Variants in TRIM2 observed in about 807,000 individuals in gnomAD.
TRIM2 encodes tripartite motif-containing protein 2.
A neutral mutation model predicts 75.2 loss-of-function variants in TRIM2; 20 were observed. The observed-to-expected ratio is 0.27, with a 90% CI of 0.19 to 0.39. The LOEUF (loss-of-function observed/expected upper bound fraction) is 0.39, where lower values mean the gene tolerates loss of function less well. TRIM2 is among the 10% of genes least tolerant of loss of function. TRIM2 has a pLI of 1.00. For synonymous variants in TRIM2, 373 were observed against 388.3 expected, an observed-to-expected ratio of 0.96 and a Z score of 0.46; for missense variants, 660 against 990.8, an observed-to-expected ratio of 0.67 and a Z score of 4.48.
At chr4:153,260,791 G>C (rs541265493) in intron 1 of TRIM2, among the ~76,000 whole-genome samples, 1 of 146,602 alleles carries the variant, frequency 6.8e-6, no homozygotes, top group Non-Finnish European at 1.5e-5. Flanking sequence ...CTAGCCTTCT[G>C]ATTTACAAAA....
At chr4:153,249,578 T>TGCGCCTCGGCCACCTCCCTGCTC (rs1440096496) in intron 1 of TRIM2, among the ~76,000 whole-genome samples, 1 of 151,962 alleles carries the variant, frequency 6.6e-6, no homozygotes, top group Non-Finnish European at 1.5e-5. Context: ...TAGCAGCGCG[T>TGCGCCTCGGCCACCTCCCTGCTC]CCGCCTCGGC....
intron 7 of TRIM2, 98 bp downstream of exon 7, chr4:153,315,686 G>C: frequency 6.9e-7 from 1 of 1,440,690 alleles, no homozygotes. Context: ...ATGGTGTAAG[G>C]AAAAAAGCTT....
At chr4:153,267,383 C>T (rs1310104372) in intron 1 of TRIM2, among the ~76,000 whole-genome samples, 6 of 152,162 alleles carry the variant, frequency 3.9e-5, no homozygotes, top group Admixed American at 3.9e-4. Context: ...AATAGTGTGA[C>T]CCCTCATGCC....
intron 5 of TRIM2, 117 bp downstream of exon 5, chr4:153,294,602 T>C (rs1762425033): frequency 8.5e-6 from 9 of 1,064,230 alleles, no homozygotes; most frequent in Admixed American, 3.1e-5. Context: ...TAGTAAACTA[T>C]AGTTTTCACT....
intron 6 of TRIM2, among the ~76,000 whole-genome samples, chr4:153,300,424 T>A (rs145664341): frequency 6.6e-6 from 1 of 152,146 alleles, no homozygotes; most frequent in African/African-American, 2.4e-5. Flanking sequence ...GGACCACAGA[T>A]ATGTGCCGCC....
intron 1 of TRIM2, among the ~76,000 whole-genome samples, chr4:153,174,760 A>G (rs1731238942): frequency 6.6e-6 from 1 of 152,242 alleles, no homozygotes; most frequent in African/African-American, 2.4e-5. Context: ...GCAGTATGTG[A>G]ATAAAAGGTC....
intron 10 of TRIM2, among the ~76,000 whole-genome samples, chr4:153,326,203 A>C (rs1049034077): frequency 6.6e-6 from 1 of 152,240 alleles, no homozygotes. Context: ...CATGTGAATA[A>C]TTTTTAAGTA....
chr4:153,256,445 G>A (rs1752101040), intron 1 of TRIM2, among the ~76,000 whole-genome samples: 1 of 152,164 alleles, frequency 6.6e-6, no homozygotes, highest in African/African-American at 2.4e-5. Flanking sequence ...CAATCCCTTT[G>A]AAACTAATAA....
At chr4:153,158,997 T>A (rs933162772) in intron 1 of TRIM2, among the ~76,000 whole-genome samples, 2 of 152,220 alleles carry the variant, frequency 1.3e-5, no homozygotes, top group African/African-American at 4.8e-5. Flanking sequence ...TTGCTTAAGA[T>A]GCAGTGTCTC....
chr4:153,312,014 C>T (rs570790521), intron 6 of TRIM2, among the ~76,000 whole-genome samples: 14 of 151,534 alleles, frequency 9.2e-5, no homozygotes, highest in Middle Eastern at 3.4e-3. Context: ...GCTGCACCCA[C>T]TAACTCGTCA....
At chr4:153,327,820 G>A (rs948949226) in intron 10 of TRIM2, among the ~76,000 whole-genome samples, 3 of 152,078 alleles carry the variant, frequency 2.0e-5, no homozygotes, top group African/African-American at 4.8e-5. Flanking sequence ...ACAGCTTCCC[G>A]TCTCTCTACT....
At chr4:153,286,798 G>A (rs1202196754) in intron 3 of TRIM2, among the ~76,000 whole-genome samples, 1 of 128,668 alleles carries the variant, frequency 7.8e-6, no homozygotes, top group Non-Finnish European at 1.5e-5. Context: ...CTCTCTCTCT[G>A]GTCAGTCTAA....
At chr4:153,270,889 A>G (rs969245978) in intron 2 of TRIM2, among the ~76,000 whole-genome samples, 1 of 152,218 alleles carries the variant, frequency 6.6e-6, no homozygotes, top group Non-Finnish European at 1.5e-5. Context: ...TTCCTCCCAT[A>G]TAACAAATCA....
intron 1 of TRIM2, among the ~76,000 whole-genome samples, chr4:153,221,484 C>T (rs1368287230): frequency 6.6e-6 from 1 of 152,182 alleles, no homozygotes; most frequent in Non-Finnish European, 1.5e-5. Flanking sequence ...GGCCTTTCTT[C>T]GTTTCCTGCT....
chr4:153,264,577 A>G (rs1446375662), intron 1 of TRIM2, among the ~76,000 whole-genome samples: 1 of 152,240 alleles, frequency 6.6e-6, no homozygotes, highest in East Asian at 1.9e-4. Context: ...CAAAGCATGT[A>G]TATAAAACAT....
chr4:153,304,669 G>A (rs1208299754), intron 6 of TRIM2, among the ~76,000 whole-genome samples: 1 of 152,020 alleles, frequency 6.6e-6, no homozygotes, highest in African/African-American at 2.4e-5. Context: ...TCAAAGTGTG[G>A]TCCATAAACC....
chr4:153,220,217 T>C (rs76797276), intron 1 of TRIM2, among the ~76,000 whole-genome samples: 2,542 of 152,236 alleles, frequency 0.017, 61 homozygotes, highest in African/African-American at 0.057. Context: ...CTGCTGATGC[T>C]TTGAGTCTGT....
intron 1 of TRIM2, among the ~76,000 whole-genome samples, chr4:153,163,173 A>G (rs1729911380): frequency 6.6e-6 from 1 of 152,074 alleles, no homozygotes; most frequent in Non-Finnish European, 1.5e-5. Context: ...AATGGGATCC[A>G]TTTCTAGATT....
intron 1 of TRIM2, among the ~76,000 whole-genome samples, chr4:153,209,730 C>T (rs569344287): frequency 1.6e-4 from 24 of 152,322 alleles, no homozygotes; most frequent in Non-Finnish European, 3.5e-4. Context: ...AAAATGAGAT[C>T]TATTCCTTAG....
Sources: allele counts gnomAD v4.1 joint callset (sites outside exome capture counted in the v4.1 genomes callset), GRCh38; gene constraint gnomAD v4.1.1; transcripts MANE v1.5; gene names NCBI Gene and HGNC (gene_info 2026-07-23, HGNC 2026-07-21).